OCA2: variants seen among roughly 807,000 people sequenced by gnomAD.
OCA2 encodes the protein P protein.
In OCA2, 77 loss-of-function variants were observed where a neutral mutation model predicts 100.2. The ratio of observed to expected loss-of-function variants is 0.77; its 90% CI spans 0.64 to 0.93. The LOEUF is 0.93. Among genes scored for constraint, OCA2 ranks in the 40% least tolerant of loss-of-function variants. OCA2 has a pLI of 0.00. For synonymous variants in OCA2, 432 were observed against 439.2 expected (o/e 0.98, Z 0.21); for missense variants, 1,062 against 1,089.1 (o/e 0.98, Z 0.35).
At chr15:27,952,889 C>T (rs2040083561) in intron 17 of OCA2, among the ~76,000 whole-genome samples, 1 of 151,866 alleles carries the variant, frequency 6.6e-6, no homozygotes, top group Admixed American at 6.6e-5. Context: ...CACCATGTTG[C>T]CCAGGCTGGT....
chr15:27,996,999 AAGAG>A (rs1331673995), intron 9 of OCA2, among the ~76,000 whole-genome samples: 1 of 138,052 alleles, frequency 7.2e-6, no homozygotes. Flanking sequence ...AAAAAAAAAG[AAGAG>A]AGAAAGAGAG....
intron 19 of OCA2, among the ~76,000 whole-genome samples, chr15:27,883,961 A>G (rs570202504): frequency 1.3e-5 from 2 of 152,236 alleles, no homozygotes; most frequent in African/African-American, 2.4e-5. Context: ...AGCATTTCAA[A>G]TATATTATAA....
intron 2 of OCA2, among the ~76,000 whole-genome samples, chr15:28,061,329 G>A (rs2043866097): frequency 6.6e-6 from 1 of 152,084 alleles, no homozygotes; most frequent in Non-Finnish European, 1.5e-5. Context: ...GTCACTAACT[G>A]AACAGAGAAT....
At chr15:27,967,485 A>T (rs555634170) in intron 14 of OCA2, among the ~76,000 whole-genome samples, 2 of 152,356 alleles carry the variant, frequency 1.3e-5, no homozygotes, top group African/African-American at 4.8e-5. Flanking sequence ...AGATAGGGTG[A>T]AAAAAGACTG....
At chr15:27,861,664 G>A (rs971992671) in intron 21 of OCA2, among the ~76,000 whole-genome samples, 1 of 152,124 alleles carries the variant, frequency 6.6e-6, no homozygotes, top group Non-Finnish European at 1.5e-5. Context: ...TCGAGGGCGG[G>A]CACTAGTCCT....
intron 23 of OCA2, among the ~76,000 whole-genome samples, chr15:27,767,673 A>C (rs901907745): frequency 1.5e-5 from 2 of 136,262 alleles, no homozygotes; most frequent in Non-Finnish European, 3.4e-5. Context: ...TAAACACACC[A>C]ATCAGCACTC....
rs546451336 is a variant in OCA2, at chr15:27,791,997, G to A, written c.2433-36525C>T. Among the ~76,000 whole-genome samples the A allele has an allele frequency of 1.6e-4, 24 of 152,276 alleles. No homozygotes were observed. In the South Asian group the frequency reaches 1.7e-3, roughly 11 times the overall value. ...TGGGCTCTGATGGGCTCCCAAGGAG[G>A]GGAGGAGCCCAAGACTGTGTGTCTC... is the stretch of plus-strand genomic sequence containing the variant. On this transcript the variant is annotated intron_variant, in intron 23 of 23. Transcript: ENST00000354638.
At chr15:27,976,010 A>G (rs1199688130) in intron 14 of OCA2, among the ~76,000 whole-genome samples, 1 of 151,752 alleles carries the variant, frequency 6.6e-6, no homozygotes, top group South Asian at 2.1e-4. Flanking sequence ...GGTCATATGC[A>G]ATACTGAATA....
At chr15:28,087,913 A>C (rs1415129458) in intron 1 of OCA2, among the ~76,000 whole-genome samples, 1 of 151,950 alleles carries the variant, frequency 6.6e-6, no homozygotes, top group Non-Finnish European at 1.5e-5. Context: ...AATACAAAAA[A>C]TAGCCAGGCG....
chr15:27,730,264 T>C, the OCA2 span, among the ~76,000 whole-genome samples: 1 of 152,134 alleles, frequency 6.6e-6, no homozygotes, highest in East Asian at 1.9e-4. Flanking sequence ...AACAGCCAAA[T>C]GGAAGGGATG....
intron 19 of OCA2, among the ~76,000 whole-genome samples, chr15:27,910,309 T>C (rs1043478530): frequency 6.6e-6 from 1 of 152,172 alleles, no homozygotes; most frequent in African/African-American, 2.4e-5. Context: ...AAACATGCAC[T>C]TACCTTTGAC....
At chr15:27,930,481 C>T (rs976611418) in intron 18 of OCA2, among the ~76,000 whole-genome samples, 1 of 151,638 alleles carries the variant, frequency 6.6e-6, no homozygotes, top group Non-Finnish European at 1.5e-5. Flanking sequence ...AAATCTGACC[C>T]CCTGCTTGTT....
At chr15:27,850,835 C>T (rs1041094352) in intron 22 of OCA2, among the ~76,000 whole-genome samples, 3 of 152,158 alleles carry the variant, frequency 2.0e-5, no homozygotes, top group Non-Finnish European at 4.4e-5. Context: ...AGGACTCCCC[C>T]GCTGTTCTCT....
In OCA2 at chr15:28,062,039, AG is replaced by A. The variant is rs1398295838; in HGVS notation, c.227+19608del. On this transcript the variant is annotated intron_variant, in intron 2 of 23. Transcript: ENST00000354638. ...ATGCTGCTTTGAACACATATGCACA[AG>A]TTTTACACAGGCATGTCTTTTCAAT... 2.6e-5 allele frequency among the ~76,000 whole-genome samples: 4 copies of A among 152,238 alleles called. No individual in the cohort carries two copies. The East Asian group carries it at 7.7e-4, about 29-fold the overall frequency.
At chr15:27,896,530 C>G in intron 19 of OCA2, 1 of 467,558 alleles carries the variant, frequency 2.1e-6, no homozygotes, top group Non-Finnish European at 3.9e-6. Context: ...GATTGAGTAG[C>G]TCAAAAGAAT....
intron 1 of OCA2, 129 bp from the exon 2 acceptor site, chr15:28,082,024 C>G (rs56082644): frequency 2.7e-6 from 2 of 750,724 alleles, no homozygotes; most frequent in Non-Finnish European, 4.5e-6. Flanking sequence ...ATCCTAACCA[C>G]GCAAGAGCAT....
intron 23 of OCA2, among the ~76,000 whole-genome samples, chr15:27,789,763 C>T (rs7171246): frequency 0.28 from 42,118 of 151,970 alleles, 6,901 homozygotes; most frequent in Non-Finnish European, 0.37. Context: ...ACAAATGGTA[C>T]TATAATGAAT....
At chr15:28,098,800 G>T (rs1010729046) in intron 1 of OCA2, among the ~76,000 whole-genome samples, 1 of 152,356 alleles carries the variant, frequency 6.6e-6, no homozygotes, top group East Asian at 1.9e-4. Context: ...AAGCAGCTTT[G>T]AGGGATTTAG....
intron 19 of OCA2, among the ~76,000 whole-genome samples, chr15:27,876,203 T>G (rs993528541): frequency 5.9e-5 from 9 of 152,150 alleles, no homozygotes; most frequent in African/African-American, 1.9e-4. Context: ...CTAATGCTTT[T>G]TCTGCATTTA....
Sources: allele counts gnomAD v4.1 joint callset (sites outside exome capture counted in the v4.1 genomes callset), GRCh38; gene constraint gnomAD v4.1.1; transcripts MANE v1.5; gene names NCBI Gene and HGNC (gene_info 2026-07-23, HGNC 2026-07-21).